Variants in PDS5B observed in about 807,000 individuals in gnomAD.
PDS5B encodes the protein sister chromatid cohesion protein PDS5 homolog B.
PDS5B carries 51 observed loss-of-function variants against 184.1 expected under a neutral mutation model. The ratio of observed to expected loss-of-function variants is 0.28; its 90% CI spans 0.22 to 0.35. PDS5B has a LOEUF of 0.35. PDS5B is among the 10% of genes least tolerant of loss of function. PDS5B has a pLI of 1.00. For synonymous variants in PDS5B, 566 were observed against 569.2 expected, an observed-to-expected ratio of 0.99 and a Z score of 0.08; for missense variants, 1,180 against 1,723.3, an observed-to-expected ratio of 0.68 and a Z score of 5.58.
chr13:32,677,890 A>G (rs1566315731), intron 9 of PDS5B, among the ~76,000 whole-genome samples: 1 of 152,090 alleles, frequency 6.6e-6, no homozygotes, highest in Non-Finnish European at 1.5e-5. Flanking sequence ...TTAAATTACT[A>G]TTTTACATTC....
At chr13:32,705,533 T>C (rs1203859030) in intron 17 of PDS5B, among the ~76,000 whole-genome samples, 2 of 152,246 alleles carry the variant, frequency 1.3e-5, no homozygotes, top group African/African-American at 4.8e-5. Context: ...GAAGCATATT[T>C]ACTAAACATT....
chr13:32,773,136 A>C, intron 33 of PDS5B, 53 bp from the exon 34 acceptor site: 1 of 1,474,810 alleles, frequency 6.8e-7, no homozygotes, highest in Non-Finnish European at 9.2e-7. Context: ...CTAACGAGGT[A>C]ATCTACTGAA....
At chr13:32,700,135 A>G (rs1951825444) in intron 16 of PDS5B, among the ~76,000 whole-genome samples, 1 of 152,134 alleles carries the variant, frequency 6.6e-6, no homozygotes, top group Admixed American at 6.5e-5. Flanking sequence ...ATAGCATACC[A>G]CTGAATACAT....
At chr13:32,747,558 G>A (rs895672063) in intron 24 of PDS5B, among the ~76,000 whole-genome samples, 1 of 146,668 alleles carries the variant, frequency 6.8e-6, no homozygotes, top group African/African-American at 2.5e-5. Flanking sequence ...TTGCACTCCA[G>A]CCTGGGCAAC....
chr13:32,770,158 C>T lies in PDS5B; in HGVS notation c.3662C>T (p.Pro1221Leu). Residue 1221 changes from proline to leucine, a missense_variant, in exon 32 of 35, where the codon CCC (proline) becomes CTC (leucine). Pro to Leu is a moderately conservative substitution (Grantham distance 98). Coordinates refer to ENST00000315596, the MANE Select transcript of PDS5B (RefSeq NM_015032.4). The part of the protein sequence containing the change: ...LEKPRGRKKT[P>L]VTEQEEKLGM... ...AAGCCTAGAGGCAGGAAAAAAACGC[C>T]CGTCACAGAACAGGAGGAGAAATTA... 16 of 1,613,228 alleles carry T rather than the reference C, an allele frequency of 9.9e-6. No homozygotes were observed. Among genetic ancestry groups the T allele is most frequent in the Non-Finnish European group, 1.3e-5 (15 of 1,179,772 alleles).
At position 32,635,334 on chromosome 13, in the gene PDS5B, G is replaced by A. The variant is rs574934962; in HGVS notation, c.-19-13420G>A. 4.2e-4 allele frequency among the ~76,000 whole-genome samples: 61 copies of A among 143,756 alleles called. 1 individual carries two copies. In the East Asian group the frequency reaches 0.011, roughly 27 times the overall value. The allele number at this position is 143,756 out of a possible 152,430, so 94.3% of individuals were successfully genotyped here. A position where few individuals can be genotyped will look rare whatever the true frequency, so the allele number is the denominator to read the frequency against. ...ATTACAGGTGTGAGCCACTATGCCT[G>A]GCCTGTCTTTTTTTTTTTTTTTTTT... On this transcript the variant is annotated intron_variant, in intron 1 of 34. Coordinates refer to ENST00000315596, the MANE Select transcript of PDS5B (RefSeq NM_015032.4).
Position 32,775,491 on chromosome 13 carries a change from T to G in PDS5B, c.*439T>G, listed in dbSNP as rs1954927986. 2.8e-6 allele frequency: 1 copy of G among 351,728 alleles called. No individual in the cohort carries two copies. The highest frequency in any genetic ancestry group is 2.2e-5 in the South Asian group (1 of 45,536). 21.8% of individuals were successfully genotyped at this position (351,728 alleles called of 1,614,324 possible). A position where few individuals can be genotyped will look rare whatever the true frequency, so the allele number is the denominator to read the frequency against. On this transcript the variant is annotated 3_prime_UTR_variant, in exon 35 of 35. Transcript: ENST00000315596. The stretch of plus-strand genomic sequence containing the variant: ...ATTTGTATTCTCTGCAATTTTACTG[T>G]GAAAAAAAATTTGTTTTCAACAATT...
chr13:32,688,578 C>T lies in PDS5B; in HGVS notation c.1469+9C>T, dbSNP rs777877180. On this transcript the variant is annotated intron_variant, in intron 13 of 34. Transcript: ENST00000315596. ...GATTTAAATGCTGTGAAGTATGTTT[C>T]AAATATCAAATTCTGTTCTTTTCAT... 2 of 1,404,542 alleles carry T rather than the reference C, an allele frequency of 1.4e-6. No individual in the cohort carries two copies. The highest frequency in any genetic ancestry group is 2.0e-6 in the Non-Finnish European group (2 of 989,276). The allele number at this position is 1,404,542 out of a possible 1,614,324, so 87.0% of individuals were successfully genotyped here.
chr13:32,726,238 A>C (rs972405554), intron 19 of PDS5B, among the ~76,000 whole-genome samples: 2 of 151,908 alleles, frequency 1.3e-5, no homozygotes, highest in Non-Finnish European at 2.9e-5. Context: ...AACTATATAC[A>C]CTTTTCTTCA....
chr13:32,648,632 T>G, intron 1 of PDS5B, 122 bp from the exon 2 acceptor site: 1 of 564,006 alleles, frequency 1.8e-6, no homozygotes, highest in Non-Finnish European at 3.2e-6. Context: ...AATGGTAAAG[T>G]AAATTACTAT....
intron 19 of PDS5B, among the ~76,000 whole-genome samples, chr13:32,716,871 G>A (rs1324915628): frequency 2.5e-5 from 3 of 120,918 alleles, no homozygotes; most frequent in Non-Finnish European, 5.6e-5. Context: ...CCGGCCAGCC[G>A]CCCCGTCCGG....
chr13:32,717,147 G>A (rs1952479388), intron 19 of PDS5B, among the ~76,000 whole-genome samples: 3 of 152,344 alleles, frequency 2.0e-5, no homozygotes, highest in African/African-American at 7.2e-5. Flanking sequence ...CTACTGGGAA[G>A]TGAGGAGCCC....
intron 20 of PDS5B, among the ~76,000 whole-genome samples, 154 bp from the exon 21 acceptor site, chr13:32,735,018 A>C (rs1422283930): frequency 6.6e-6 from 1 of 152,232 alleles, no homozygotes; most frequent in African/African-American, 2.4e-5. Flanking sequence ...GTTACTACTT[A>C]TACTATGTAT....
intron 1 of PDS5B, among the ~76,000 whole-genome samples, chr13:32,594,025 G>A (rs1238502764): frequency 1.3e-5 from 2 of 152,190 alleles, no homozygotes; most frequent in Non-Finnish European, 2.9e-5. Flanking sequence ...TGTTTGAAGT[G>A]ATGGATATGT....
intron 1 of PDS5B, among the ~76,000 whole-genome samples, chr13:32,608,676 C>G (rs1264842265): frequency 6.6e-6 from 1 of 152,104 alleles, no homozygotes; most frequent in Non-Finnish European, 1.5e-5. Flanking sequence ...ATTGTTGTCT[C>G]ACTGCTTCTG....
intron 8 of PDS5B, 85 bp downstream of exon 8, chr13:32,673,441 T>A: frequency 1.8e-6 from 2 of 1,123,518 alleles, no homozygotes; most frequent in Non-Finnish European, 2.6e-6. Flanking sequence ...TACAGTAGTT[T>A]TAACTGAATG....
intron 10 of PDS5B, among the ~76,000 whole-genome samples, chr13:32,679,909 G>GTGTGTGTGTC (rs148914027): frequency 0.3 from 44,415 of 148,780 alleles, 7,654 homozygotes; most frequent in Non-Finnish European, 0.4. Flanking sequence ...GTGTGTGTGT[G>GTGTGTGTGTC]TGTGTGTCTG....
chr13:32,729,406 T>C (rs1263671052), intron 19 of PDS5B, among the ~76,000 whole-genome samples: 1 of 152,238 alleles, frequency 6.6e-6, no homozygotes, highest in African/African-American at 2.4e-5. Flanking sequence ...GCAGTAAACA[T>C]ATGTGTGCAT....
At chr13:32,716,095 T>G (rs1952396088) in intron 19 of PDS5B, among the ~76,000 whole-genome samples, 1 of 151,868 alleles carries the variant, frequency 6.6e-6, no homozygotes, top group Non-Finnish European at 1.5e-5. Context: ...GTCTGGGAAG[T>G]GAGGAGCGTC....
Sources: gnomAD v4.1 joint callset for allele counts (sites outside exome capture counted in the v4.1 genomes callset) on GRCh38, gnomAD v4.1.1 for gene constraint, MANE v1.5 for transcripts, NCBI Gene and HGNC (gene_info 2026-07-23, HGNC 2026-07-21) for gene names.